RWDD2B: variants seen among roughly 807,000 people sequenced by gnomAD.
The protein encoded by RWDD2B is RWD domain containing 2B.
A neutral mutation model predicts 33.6 loss-of-function variants in RWDD2B; 36 were observed. That is an observed-to-expected ratio of 1.07 (90% confidence interval 0.82 to 1.42). The LOEUF (loss-of-function observed/expected upper bound fraction) is 1.42. Among genes scored for constraint, RWDD2B ranks in the 40% most tolerant of loss-of-function variants. The probability of loss-of-function intolerance (pLI) is 0.00; values close to 1 mark genes in which losing one functional copy is unlikely to be tolerated. For missense variants in RWDD2B, 364 were observed against 377.5 expected, an observed-to-expected ratio of 0.96 and a Z score of 0.30; for synonymous variants, 126 against 133.1, an observed-to-expected ratio of 0.95 and a Z score of 0.37.
At chr21:29,019,179 T>A (rs763895174) in intron 1 of RWDD2B, 32 bp downstream of exon 1, 1 of 1,560,186 alleles carries the variant, frequency 6.4e-7, no homozygotes, top group Admixed American at 1.9e-5. Context: ...CCCGTGGCGG[T>A]CACCACTGGC....
rs2084829040 is a variant in RWDD2B at position 29,006,477 on chromosome 21, G to C, written c.900C>G (p.Phe300Leu). 6.2e-7 allele frequency: 1 copy of C among 1,613,934 alleles called. No homozygotes were observed. Among genetic ancestry groups the C allele is most frequent in the African/African-American group, 1.3e-5 (1 of 74,928 alleles). ...NHMDFGQLYQ[F>L]LNTKGCGDVF... ...CATCCCCACATCCTTTGGTGTTTAA[G>C]AACTGATAGAGCTGACCAAAGTCCA... The change falls in exon 5 of 5, where the codon TTC becomes TTG. Residue 300 changes from phenylalanine (F) to leucine (L), a missense_variant. Physicochemically the swap from Phe to Leu is conservative, Grantham distance 22. Coordinates refer to ENST00000493196, the MANE Select transcript of RWDD2B (RefSeq NM_016940.3).
intron 1 of RWDD2B, among the ~76,000 whole-genome samples, chr21:29,009,057 G>A (rs190281790): frequency 6.6e-6 from 1 of 152,270 alleles, no homozygotes; most frequent in African/African-American, 2.4e-5. Flanking sequence ...TTACGTGGAT[G>A]GTCAATTTCT....
At chr21:29,013,336 A>G (rs1459779875) in intron 1 of RWDD2B, among the ~76,000 whole-genome samples, 7 of 152,130 alleles carry the variant, frequency 4.6e-5, no homozygotes, top group African/African-American at 9.7e-5. Flanking sequence ...TTTCTCACAT[A>G]TAAACATTAG....
chr21:29,006,739 CT>C, intron 4 of RWDD2B, 88 bp from the exon 5 acceptor site: 1 of 740,940 alleles, frequency 1.3e-6, no homozygotes, highest in Non-Finnish European at 2.2e-6. Context: ...TTATCAATGC[CT>C]TTTCCTAGAA....
At chr21:29,009,236 C>T (rs1318482517) in intron 1 of RWDD2B, among the ~76,000 whole-genome samples, 2 of 152,100 alleles carry the variant, frequency 1.3e-5, no homozygotes, top group African/African-American at 2.4e-5. Context: ...CACAGGTATG[C>T]ACTGCCACGC....
chr21:29,007,672 G>T, intron 4 of RWDD2B, 89 bp downstream of exon 4: 1 of 1,441,600 alleles, frequency 6.9e-7, no homozygotes, highest in South Asian at 1.4e-5. Context: ...GTCCACTGTT[G>T]ACCAAAACGT....
Position 29,019,348 on chromosome 21 carries a change from C to G in RWDD2B, c.-71G>C, listed in dbSNP as rs1258461657. 2.9e-6 allele frequency: 3 copies of G among 1,034,718 alleles called. No homozygotes were observed. The highest frequency in any genetic ancestry group is 3.9e-6 in the Non-Finnish European group (3 of 761,734). The allele number at this position is 1,034,718 out of a possible 1,614,324, so 64.1% of individuals were successfully genotyped here. A position where few individuals can be genotyped will look rare whatever the true frequency, so the allele number is the denominator to read the frequency against. Reference sequence around the variant, plus strand: ...CAAACCGCCTCAGCTGGCGACCTACCGGAAAAAAAAAAAAAAAGCATGCGG... The same window carrying G: ...CAAACCGCCTCAGCTGGCGACCTACGGGAAAAAAAAAAAAAAAGCATGCGG... On this transcript the variant is annotated 5_prime_UTR_variant, in exon 1 of 5. Coordinates refer to ENST00000493196, the MANE Select transcript of RWDD2B (RefSeq NM_016940.3).
intron 1 of RWDD2B, among the ~76,000 whole-genome samples, chr21:29,016,367 C>T (rs28457166): frequency 1.3e-5 from 2 of 151,944 alleles, no homozygotes; most frequent in African/African-American, 4.8e-5. Flanking sequence ...CAGGTTCAAG[C>T]GATTCTCCTG....
intron 4 of RWDD2B, among the ~76,000 whole-genome samples, chr21:29,007,387 C>T (rs1260384811): frequency 1.3e-5 from 2 of 152,228 alleles, no homozygotes; most frequent in Non-Finnish European, 2.9e-5. Flanking sequence ...CTTATCTCCA[C>T]ATCTCTAATA....
chr21:29,011,888 A>T (rs1601022128), intron 1 of RWDD2B, among the ~76,000 whole-genome samples: 1 of 106,938 alleles, frequency 9.4e-6, no homozygotes, highest in African/African-American at 3.6e-5. Context: ...TCCGGGAGGG[A>T]GGTTGGGGGG....
chr21:29,011,676 G>A (rs1228312551), intron 1 of RWDD2B, among the ~76,000 whole-genome samples: 5 of 142,820 alleles, frequency 3.5e-5, no homozygotes, highest in African/African-American at 1.0e-4. Flanking sequence ...CGCCCCGTCC[G>A]GGAGGTGAGG....
Position 29,006,420 on chromosome 21 carries a change from T to C in RWDD2B, c.957A>G (p.Gln319=), listed in dbSNP as rs2084828674. Residue 319 remains glutamine (Q), a synonymous_variant, in exon 5 of 5, where the codon CAA becomes CAG. Transcript: ENST00000493196. ...VFQMFFGVEG[Q] ...ATACTTTCAACTACTCTTGATGTCA[T>C]TGTCCTTCTACACCAAAGAACATCT... 1.9e-6 allele frequency: 3 copies of C among 1,593,976 alleles called. No homozygotes were observed. The East Asian group carries it at 6.7e-5, about 36-fold the overall frequency.
At chr21:29,007,678 A>G in intron 4 of RWDD2B, 83 bp downstream of exon 4, 1 of 1,479,166 alleles carries the variant, frequency 6.8e-7, no homozygotes, top group Non-Finnish European at 9.1e-7. Context: ...TGTTGACCAA[A>G]ACGTCACTAG....
At chr21:29,013,642 TCG>T (rs2084875546) in intron 1 of RWDD2B, among the ~76,000 whole-genome samples, 1 of 141,908 alleles carries the variant, frequency 7.0e-6, no homozygotes, top group African/African-American at 2.7e-5. Flanking sequence ...TGAGCCGAGA[TCG>T]CGCCACTGCA....
chr21:29,018,444 TG>T (rs1034389921), intron 1 of RWDD2B, among the ~76,000 whole-genome samples: 3 of 152,192 alleles, frequency 2.0e-5, no homozygotes, highest in Non-Finnish European at 4.4e-5. Flanking sequence ...AACACTTATT[TG>T]GAACTATATA....
chr21:29,007,728 G>C, intron 4 of RWDD2B, 33 bp downstream of exon 4: 1 of 1,585,364 alleles, frequency 6.3e-7, no homozygotes, highest in Non-Finnish European at 8.6e-7. Flanking sequence ...TAACATTATT[G>C]ACATGACTTC....
chr21:29,006,379 G>T lies in RWDD2B; in HGVS notation c.*38C>A. The T allele has an allele frequency of 7.6e-7, 1 of 1,316,674 alleles. No homozygotes were observed. The highest frequency in any genetic ancestry group is 1.1e-6 in the Non-Finnish European group (1 of 946,296). The allele number at this position is 1,316,674 out of a possible 1,614,324, so 81.6% of individuals were successfully genotyped here. ...AAAAAGTGGGAAAAAAAAATCAAAA[G>T]GCCAACAGTGGCAAGATACTTTCAA... On this transcript the variant is annotated 3_prime_UTR_variant, in exon 5 of 5. Transcript: ENST00000493196.
At chr21:29,012,070 G>A (rs2084865530) in intron 1 of RWDD2B, among the ~76,000 whole-genome samples, 2 of 142,476 alleles carry the variant, frequency 1.4e-5, no homozygotes, top group African/African-American at 5.2e-5. Context: ...CTACTGGGAA[G>A]TGAGGAGCCC....
chr21:29,019,246 T>A lies in RWDD2B; in HGVS notation c.32A>T (p.Asn11Ile). 2.5e-6 allele frequency: 4 copies of A among 1,605,410 alleles called. No individual in the cohort carries two copies. Residue 11 changes from asparagine (N) to isoleucine (I), a missense_variant, in exon 1 of 5, where the codon AAC (asparagine) becomes ATC (isoleucine). Asn to Ile is a moderately radical substitution (Grantham distance 149). Transcript: ENST00000493196. MKIELSMQPW[N>I]PGYSSEGATA... is the part of the protein sequence containing the mutation. The stretch of plus-strand genomic sequence containing the variant: ...GGCCCCCTCACTGCTGTAACCCGGG[T>A]TCCATGGCTGCATGGACAGCTCAAT...
Sources: allele counts gnomAD v4.1 joint callset (sites outside exome capture counted in the v4.1 genomes callset), GRCh38; gene constraint gnomAD v4.1.1; transcripts MANE v1.5; gene names NCBI Gene and HGNC (gene_info 2026-07-23, HGNC 2026-07-21).